DMD: variants seen among roughly 807,000 people sequenced by gnomAD.
The protein encoded by DMD is dystrophin, also known as mutant dystrophin.
DMD carries 63 observed loss-of-function variants against 330.1 expected under a neutral mutation model. The ratio of observed to expected loss-of-function variants is 0.19; its 90% CI spans 0.16 to 0.24. The LOEUF is 0.24. DMD is among the 10% of genes least tolerant of loss of function. The pLI is 1.00. For missense variants in DMD, 3,344 were observed against 2,684.1 expected (o/e 1.25, Z -5.43); for synonymous variants, 1,223 against 959.8 (o/e 1.27, Z -5.07).
At chrX:31,212,146 T>TTATATA (rs375944446) in intron 64 of DMD, among the ~76,000 whole-genome samples, 148 of 91,731 alleles carry the variant, frequency 1.6e-3, no homozygotes, top group African/African-American at 5.2e-3. Flanking sequence ...ATTAAATATA[T>TTATATA]TATATATATA....
At chrX:32,526,700 A>G (rs189072592) in intron 17 of DMD, among the ~76,000 whole-genome samples, 262 of 111,289 alleles carry the variant, frequency 2.4e-3, no homozygotes, top group Non-Finnish European at 4.4e-3. Flanking sequence ...ATTCAAAGGC[A>G]AAAACACATA....
At chrX:32,064,787 C>T (rs928502437) in intron 44 of DMD, among the ~76,000 whole-genome samples, 2 of 111,491 alleles carry the variant, frequency 1.8e-5, no homozygotes, top group Non-Finnish European at 3.8e-5. Flanking sequence ...CCACACTCAA[C>T]CCATTCTTAA....
intron 1 of DMD, among the ~76,000 whole-genome samples, chrX:33,087,318 G>C (rs73452082): frequency 0.032 from 3,535 of 112,105 alleles, 131 homozygotes; most frequent in African/African-American, 0.11. Flanking sequence ...TAACACCTTG[G>C]AAAGATTTGA....
chrX:31,912,631 C>T (rs73619017), intron 47 of DMD, among the ~76,000 whole-genome samples: 9,728 of 111,482 alleles, frequency 0.087, 470 homozygotes, highest in African/African-American at 0.18. Flanking sequence ...TTAAAATTCA[C>T]GGTCCCAAAC....
intron 6 of DMD, among the ~76,000 whole-genome samples, chrX:32,809,919 CAAAAAAAAAAAAAAAAA>C (rs55898363): frequency 3.5e-5 from 1 of 28,660 alleles, no homozygotes; most frequent in African/African-American, 1.3e-4. Flanking sequence ...TTGTTTCTAC[CAAAAAAAAAAAAAAAAA>C]AAAAAAAAAA....
At chrX:32,888,524 GA>G (rs773017217) in intron 2 of DMD, among the ~76,000 whole-genome samples, 7 of 111,694 alleles carry the variant, frequency 6.3e-5, no homozygotes, top group South Asian at 7.5e-4. Context: ...GTGTTGGTGA[GA>G]ATATGGAAAA....
At chrX:32,954,988 T>C (rs1051813409) in intron 2 of DMD, among the ~76,000 whole-genome samples, 2 of 112,020 alleles carry the variant, frequency 1.8e-5, no homozygotes, top group African/African-American at 6.5e-5. Context: ...TTGTGAATAG[T>C]GCTGCAATGA....
intron 53 of DMD, among the ~76,000 whole-genome samples, chrX:31,675,183 GC>G (rs1289095835): frequency 8.9e-6 from 1 of 111,782 alleles, no homozygotes; most frequent in African/African-American, 3.2e-5. Flanking sequence ...TCTCTTGATG[GC>G]CTGCTAATTA....
At chrX:31,889,620 GTCTCTCTC>G (rs34605571) in intron 47 of DMD, among the ~76,000 whole-genome samples, 142 of 80,520 alleles carry the variant, frequency 1.8e-3, no homozygotes, top group African/African-American at 5.0e-3. Context: ...CTCTCTCTCT[GTCTCTCTC>G]TCTCTCTCTC....
At chrX:33,270,088 T>C (rs2053127369) in intron 1 of DMD, among the ~76,000 whole-genome samples, 1 of 110,684 alleles carries the variant, frequency 9.0e-6, no homozygotes, top group Non-Finnish European at 1.9e-5. Flanking sequence ...TTTATGTCTC[T>C]AGTGAGATAA....
intron 50 of DMD, among the ~76,000 whole-genome samples, chrX:31,795,351 T>C (rs1346419838): frequency 8.9e-6 from 1 of 112,222 alleles, no homozygotes; most frequent in Non-Finnish European, 1.9e-5. Context: ...ACAATTAAAA[T>C]TTTGATTGTT....
chrX:31,846,069 G>A (rs1339490021), intron 48 of DMD, among the ~76,000 whole-genome samples: 1 of 110,169 alleles, frequency 9.1e-6, no homozygotes, highest in Admixed American at 9.8e-5. Flanking sequence ...GAGCAGAAGA[G>A]ACTGAAACAA....
intron 2 of DMD, among the ~76,000 whole-genome samples, chrX:32,949,795 A>T (rs184207808): frequency 2.1e-4 from 23 of 111,543 alleles, no homozygotes; most frequent in Non-Finnish European, 3.2e-4. Context: ...GTTCTAAAAA[A>T]AATCAGCATA....
chrX:32,685,179 T>G (rs2062760565), intron 9 of DMD, among the ~76,000 whole-genome samples: 1 of 111,394 alleles, frequency 9.0e-6, no homozygotes, highest in Non-Finnish European at 1.9e-5. Context: ...CTATTTGAGG[T>G]ACCAAATAGT....
Position 32,664,477 on chromosome X carries a change from G to A in DMD, c.961-19325C>T, listed in dbSNP as rs112745942. The stretch of plus-strand genomic sequence containing the variant: ...AGGATGGTCTCGATCTCCTGACCTC[G>A]TGATCCGCCCGCCTCGGCCTCTCAA... On this transcript the variant is annotated intron_variant, in intron 9 of 78. Transcript: ENST00000357033. Among the ~76,000 whole-genome samples, 675 of 109,979 alleles carry A rather than the reference G, an allele frequency of 6.1e-3. 5 individuals are homozygous for A. The highest frequency in any genetic ancestry group is 0.021 in the African/African-American group (639 of 30,035).
rs1394349009 is a variant in DMD at position 31,394,616 on chromosome X, A to G, written c.9085-45982T>C. On this transcript the variant is annotated intron_variant, in intron 60 of 78. Transcript: ENST00000357033. ...TCGGAACAGCCTGGCCAACATGGTG[A>G]AACTCTGTCTCTACTGAAAATACAA... Among the ~76,000 whole-genome samples the G allele has an allele frequency of 8.1e-5, 9 of 110,473 alleles. No homozygotes were observed. The East Asian group carries it at 2.6e-3, about 31-fold the overall frequency.
chrX:31,334,816 C>T lies in DMD; in HGVS notation c.9164-11158G>A, dbSNP rs752978514. Among the ~76,000 whole-genome samples the T allele has an allele frequency of 2.7e-5, 3 of 111,939 alleles. No homozygotes were observed. In the South Asian group the frequency reaches 1.1e-3, roughly 42 times the overall value. On this transcript the variant is annotated intron_variant, in intron 61 of 78. Coordinates refer to ENST00000357033, the MANE Select transcript of DMD (RefSeq NM_004006.3). ...TGGCCCTTGGTCACTCACTGACCTC[C>T]TATCATTCACCATCTTTCTTCCTTG...
chrX:32,758,555 T>C (rs1413844373), intron 7 of DMD, among the ~76,000 whole-genome samples: 2 of 111,467 alleles, frequency 1.8e-5, no homozygotes, highest in African/African-American at 3.3e-5. Context: ...TGATCCATTG[T>C]TATTCAACGA....
At chrX:32,870,244 C>T (rs2082844221) in intron 2 of DMD, among the ~76,000 whole-genome samples, 1 of 111,249 alleles carries the variant, frequency 9.0e-6, no homozygotes, top group Non-Finnish European at 1.9e-5. Context: ...AGTGCACCAC[C>T]TCTTCAAGGA....
Sources: gnomAD v4.1 joint callset for allele counts (sites outside exome capture counted in the v4.1 genomes callset) on GRCh38, gnomAD v4.1.1 for gene constraint, MANE v1.5 for transcripts, NCBI Gene and HGNC (gene_info 2026-07-23, HGNC 2026-07-21) for gene names.